ABCA13: variants seen among roughly 807,000 people sequenced by gnomAD.
ABCA13 encodes the protein ATP binding cassette subfamily A member 13, also known as ATP-binding cassette sub-family A member 13.
ABCA13 carries 476 observed loss-of-function variants against 478.7 expected under a neutral mutation model. That is an observed-to-expected ratio of 0.99 (90% CI 0.92 to 1.07). ABCA13 has a LOEUF of 1.07. ABCA13 is among the 50% of genes least tolerant of loss of function. The probability of loss-of-function intolerance (pLI) is 0.00; values close to 1 mark genes in which losing one functional copy is unlikely to be tolerated. For synonymous variants in ABCA13, 2,252 were observed against 2,158.9 expected (o/e 1.04, Z -1.20); for missense variants, 6,060 against 5,910.6 (o/e 1.03, Z -0.83).
intron 50 of ABCA13, among the ~76,000 whole-genome samples, chr7:48,510,687 T>G (rs1357105836): frequency 6.6e-6 from 1 of 152,194 alleles, no homozygotes; most frequent in African/African-American, 2.4e-5. Context: ...CTTCTGAGGC[T>G]TCTCTCCTTG....
At chr7:48,317,994 C>T (rs1802840479) in intron 27 of ABCA13, among the ~76,000 whole-genome samples, 2 of 152,162 alleles carry the variant, frequency 1.3e-5, no homozygotes, top group African/African-American at 4.8e-5. Context: ...CCTACAGGCA[C>T]CTGGAAAGGG....
chr7:48,212,021 A>G (rs1375461252), intron 3 of ABCA13, among the ~76,000 whole-genome samples: 1 of 152,114 alleles, frequency 6.6e-6, no homozygotes, highest in Non-Finnish European at 1.5e-5. Flanking sequence ...GGCTTATCTA[A>G]GGACTGCAGT....
At chr7:48,613,222 C>T (rs1050677131) in intron 58 of ABCA13, among the ~76,000 whole-genome samples, 1 of 151,272 alleles carries the variant, frequency 6.6e-6, no homozygotes, top group African/African-American at 2.4e-5. Context: ...GAGTCTTACT[C>T]TTCTCACCCA....
intron 29 of ABCA13, among the ~76,000 whole-genome samples, chr7:48,347,694 T>G (rs1173446386): frequency 6.6e-6 from 1 of 152,106 alleles, no homozygotes; most frequent in Non-Finnish European, 1.5e-5. Flanking sequence ...ATCTGGAAAG[T>G]CCCCTGCCAC....
At chr7:48,583,293 A>T (rs1429867391) in intron 56 of ABCA13, among the ~76,000 whole-genome samples, 1 of 152,204 alleles carries the variant, frequency 6.6e-6, no homozygotes, top group African/African-American at 2.4e-5. Context: ...GATAGTAGGA[A>T]TGGGGACAGG....
chr7:48,404,683 G>A (rs1250774432), intron 39 of ABCA13: 1 of 152,264 alleles, frequency 6.6e-6, no homozygotes, highest in African/African-American at 2.4e-5. Flanking sequence ...ACAAGAAAGA[G>A]TCCTTCTTTT....
intron 48 of ABCA13, among the ~76,000 whole-genome samples, chr7:48,491,365 G>C (rs1382357491): frequency 6.6e-6 from 1 of 152,138 alleles, no homozygotes; most frequent in Non-Finnish European, 1.5e-5. Flanking sequence ...AGAGGGAAGA[G>C]GACAAAGGTT....
At chr7:48,419,580 A>T (rs188205420) in intron 41 of ABCA13, among the ~76,000 whole-genome samples, 3 of 152,244 alleles carry the variant, frequency 2.0e-5, no homozygotes, top group African/African-American at 7.2e-5. Context: ...TCCAGGATTC[A>T]TGTTCTTGCT....
chr7:48,567,951 G>A (rs933725161), intron 55 of ABCA13, among the ~76,000 whole-genome samples: 2 of 151,998 alleles, frequency 1.3e-5, no homozygotes, highest in African/African-American at 2.4e-5. Context: ...TCCCCAATAC[G>A]TATATGAATG....
At chr7:48,239,521 A>G in intron 9 of ABCA13, 116 bp downstream of exon 9, 1 of 1,242,250 alleles carries the variant, frequency 8.0e-7, no homozygotes, top group East Asian at 2.5e-5. Context: ...CTCCAAGGAA[A>G]GGGCCTTAGG....
At chr7:48,175,463 C>G (rs1794709928) in intron 1 of ABCA13, among the ~76,000 whole-genome samples, 1 of 152,168 alleles carries the variant, frequency 6.6e-6, no homozygotes, top group South Asian at 2.1e-4. Flanking sequence ...TCATGTCACC[C>G]AGGCTGGAGT....
At chr7:48,294,872 G>A (rs1314178881) in intron 20 of ABCA13, among the ~76,000 whole-genome samples, 1 of 152,182 alleles carries the variant, frequency 6.6e-6, no homozygotes, top group Non-Finnish European at 1.5e-5. Context: ...GTTGCTGCCA[G>A]TGGCATAATT....
chr7:48,360,147 C>G (rs941407571), intron 31 of ABCA13, among the ~76,000 whole-genome samples: 1 of 151,394 alleles, frequency 6.6e-6, no homozygotes, highest in Non-Finnish European at 1.5e-5. Flanking sequence ...CCCATTAACT[C>G]GTCATTTACA....
rs528353172 is a variant in ABCA13 at position 48,556,719 on chromosome 7, G to C, written c.14355-23505G>C. 5.9e-5 allele frequency among the ~76,000 whole-genome samples: 9 copies of C among 151,878 alleles called. 1 individual carries two copies. The highest frequency in any genetic ancestry group is 4.6e-4 in the Admixed American group (7 of 15,250). On this transcript the variant is annotated intron_variant, in intron 55 of 61. Coordinates refer to ENST00000435803, the MANE Select transcript of ABCA13 (RefSeq NM_152701.5). Reference sequence around the variant, plus strand: ...TTTTTATAGGAAAAATGTATTTCTTGTAGGCAGCAGATCATTGAGTCTTGT... The same window carrying C: ...TTTTTATAGGAAAAATGTATTTCTTCTAGGCAGCAGATCATTGAGTCTTGT...
intron 3 of ABCA13, among the ~76,000 whole-genome samples, chr7:48,217,013 G>A (rs1440091968): frequency 1.3e-5 from 2 of 151,990 alleles, no homozygotes; most frequent in Admixed American, 6.6e-5. Context: ...ATATTTTTTG[G>A]TATTGTTTTA....
intron 41 of ABCA13, 79 bp downstream of exon 41, chr7:48,412,662 A>C: frequency 1.0e-6 from 1 of 956,746 alleles, no homozygotes; most frequent in African/African-American, 1.8e-5. Flanking sequence ...ATGTGGGTAA[A>C]GGGGGGGAGA....
At chr7:48,244,271 G>A (rs1252055601) in intron 10 of ABCA13, among the ~76,000 whole-genome samples, 2 of 152,192 alleles carry the variant, frequency 1.3e-5, no homozygotes, top group African/African-American at 4.8e-5. Context: ...CAAGGCAAAT[G>A]TTTTTAGACC....
chr7:48,234,045 A>G lies in ABCA13; in HGVS notation c.791A>G (p.Asn264Ser). The G allele has an allele frequency of 6.2e-7, 1 of 1,614,052 alleles. No individual in the cohort carries two copies. Among genetic ancestry groups the G allele is most frequent in the Admixed American group, 1.7e-5 (1 of 60,024 alleles). ...CCAGTTTACCACCTGTCCATGCAGAATATAGTGTGGGATCCACAGAAAGTC... is the reference window on the plus strand; with the variant it reads ...CCAGTTTACCACCTGTCCATGCAGAGTATAGTGTGGGATCCACAGAAAGTC... ...TEPVYHLSMQ[N>S]IVWDPQKVQY... The change falls in exon 8 of 62, where the codon AAT (asparagine) becomes AGT (serine). Residue 264 changes from asparagine to serine, a missense_variant. By Grantham distance (46) the Asn-to-Ser change is conservative. This residue lies in a region of ABCA13 where 4,423 missense variants were observed against 4,309.1 expected (regional missense o/e 1.03). Coordinates refer to ENST00000435803, the MANE Select transcript of ABCA13 (RefSeq NM_152701.5).
intron 8 of ABCA13, 48 bp downstream of exon 8, chr7:48,234,199 C>T (rs1488446349): frequency 6.2e-7 from 1 of 1,612,758 alleles, no homozygotes; most frequent in South Asian, 1.1e-5. Flanking sequence ...TTCCTGGAGA[C>T]TGGATCTAGA....
Sources: allele counts gnomAD v4.1 joint callset (sites outside exome capture counted in the v4.1 genomes callset), GRCh38; gene constraint gnomAD v4.1.1; regional missense constraint gnomAD v4.1.1; transcripts MANE v1.5; gene names NCBI Gene and HGNC (gene_info 2026-07-23, HGNC 2026-07-21).